The following BACH2 variants were observed in gnomAD, a reference collection of about 807,000 sequenced individuals.
BACH2 encodes the protein transcription regulator protein BACH2.
BACH2 carries 5 observed loss-of-function variants against 61.8 expected under a neutral mutation model. That is an observed-to-expected ratio of 0.08 (90% CI 0.04 to 0.17). The LOEUF (loss-of-function observed/expected upper bound fraction) is 0.17, where lower values mean the gene tolerates loss of function less well. Among genes scored for constraint, BACH2 ranks in the 10% least tolerant of loss-of-function variants. The pLI is 1.00. For synonymous variants in BACH2, 446 were observed against 440.1 expected (o/e 1.01, Z -0.17); for missense variants, 824 against 1,091.1 (o/e 0.76, Z 3.45).
intron 3 of BACH2, among the ~76,000 whole-genome samples, chr6:90,246,146 T>G (rs1359580970): frequency 6.6e-6 from 1 of 152,192 alleles, no homozygotes; most frequent in African/African-American, 2.4e-5. Flanking sequence ...AAGTCAAAAT[T>G]AACCTAAATG....
intron 5 of BACH2, among the ~76,000 whole-genome samples, chr6:90,079,907 G>C (rs1032919722): frequency 4.0e-5 from 6 of 151,460 alleles, no homozygotes; most frequent in South Asian, 4.2e-4. Context: ...GTTAGTGTTT[G>C]TACTTTCATT....
intron 7 of BACH2, among the ~76,000 whole-genome samples, chr6:89,940,685 T>A (rs895649739): frequency 2.0e-5 from 3 of 152,226 alleles, no homozygotes; most frequent in African/African-American, 7.2e-5. Context: ...CCCTGTCTAA[T>A]ACAAACAATA....
intron 6 of BACH2, among the ~76,000 whole-genome samples, chr6:89,994,349 G>A (rs1291224113): frequency 6.6e-6 from 1 of 152,200 alleles, no homozygotes; most frequent in East Asian, 1.9e-4. Context: ...TTCCAGAGAT[G>A]TAACTCCAGA....
At chr6:90,243,439 C>T (rs147554105) in intron 3 of BACH2, among the ~76,000 whole-genome samples, 4 of 152,212 alleles carry the variant, frequency 2.6e-5, no homozygotes, top group African/African-American at 9.6e-5. Flanking sequence ...CAGTGAAGAC[C>T]ACTTGGGACT....
chr6:90,187,996 T>C (rs766888323), intron 4 of BACH2, among the ~76,000 whole-genome samples: 1 of 152,054 alleles, frequency 6.6e-6, no homozygotes, highest in Non-Finnish European at 1.5e-5. Context: ...ATCACAAAGT[T>C]CAGAAGGTGC....
At chr6:90,102,825 AATAATAATAATAAT>A (rs1562445644) in intron 4 of BACH2, among the ~76,000 whole-genome samples, 9 of 139,182 alleles carry the variant, frequency 6.5e-5, no homozygotes, top group South Asian at 4.5e-4. Context: ...TAATAATAAT[AATAATAATAATAAT>A]AAAAATAAAA....
At chr6:89,935,599 C>T (rs1361937007) in intron 8 of BACH2, among the ~76,000 whole-genome samples, 1 of 152,168 alleles carries the variant, frequency 6.6e-6, no homozygotes, top group Non-Finnish European at 1.5e-5. Context: ...TGAAACACAA[C>T]GTGTTATTTA....
intron 4 of BACH2, among the ~76,000 whole-genome samples, chr6:90,103,029 A>ATATATATTTTTTTTTTTTTTTTTTT: frequency 4.7e-5 from 1 of 21,164 alleles, no homozygotes; most frequent in Non-Finnish European, 8.0e-5. Flanking sequence ...ATATATATAT[A>ATATATATTTTTTTTTTTTTTTTTTT]TTTTTTTTTT....
chr6:90,160,514 C>T (rs941688419), intron 4 of BACH2, among the ~76,000 whole-genome samples: 6 of 152,316 alleles, frequency 3.9e-5, no homozygotes, highest in Middle Eastern at 3.4e-3. Flanking sequence ...GTACTAGAAG[C>T]AGCACGTACA....
chr6:90,154,634 G>C (rs900577489), intron 4 of BACH2, among the ~76,000 whole-genome samples: 1 of 152,162 alleles, frequency 6.6e-6, no homozygotes, highest in African/African-American at 2.4e-5. Flanking sequence ...CCCCAGCCTT[G>C]CTCCCAAGGA....
At chr6:90,025,673 G>A (rs1409588282) in intron 5 of BACH2, among the ~76,000 whole-genome samples, 1 of 152,188 alleles carries the variant, frequency 6.6e-6, no homozygotes, top group Non-Finnish European at 1.5e-5. Context: ...ATTGTGAACA[G>A]TGATTAGGAG....
At chr6:90,201,895 T>C (rs1382413902) in intron 4 of BACH2, among the ~76,000 whole-genome samples, 3 of 152,194 alleles carry the variant, frequency 2.0e-5, no homozygotes, top group Admixed American at 6.5e-5. Flanking sequence ...AAACAAACCA[T>C]TGAGGGTGTC....
chr6:90,183,096 G>A (rs1312714111), intron 4 of BACH2, among the ~76,000 whole-genome samples: 1 of 152,150 alleles, frequency 6.6e-6, no homozygotes, highest in South Asian at 2.1e-4. Flanking sequence ...ATCATAGCTG[G>A]AATGTGACAG....
chr6:90,018,205 T>C (rs995192903), intron 5 of BACH2, among the ~76,000 whole-genome samples: 1 of 152,232 alleles, frequency 6.6e-6, no homozygotes, highest in Non-Finnish European at 1.5e-5. Flanking sequence ...CTTACCTGCA[T>C]CTGCTGATCA....
At position 89,951,956 on chromosome 6, in the gene BACH2, T is replaced by C. The variant is rs1774155708; in HGVS notation, c.244-94A>G. Reference sequence around the variant, plus strand: ...AAGCAAGATAACCAGACAGTGCTAATGTCCCAGAATAAAGACTGCAAAGGG... The same window carrying C: ...AAGCAAGATAACCAGACAGTGCTAACGTCCCAGAATAAAGACTGCAAAGGG... On this transcript the variant is annotated intron_variant, in intron 6 of 8. Transcript: ENST00000257749. The surrounding 1 kb of genome is among the most constrained non-coding windows in gnomAD (Gnocchi z 6.4). 4.9e-6 allele frequency: 7 copies of C among 1,426,660 alleles called. No homozygotes were observed. The East Asian group carries it at 1.6e-4, about 33-fold the overall frequency. 88.4% of individuals were successfully genotyped at this position (1,426,660 alleles called of 1,614,324 possible).
At chr6:90,183,461 T>C (rs933345546) in intron 4 of BACH2, among the ~76,000 whole-genome samples, 2 of 152,250 alleles carry the variant, frequency 1.3e-5, no homozygotes, top group African/African-American at 4.8e-5. Context: ...TATTCCCTTA[T>C]GATCTAGCAT....
chr6:90,031,988 G>C (rs1779007883), intron 5 of BACH2, among the ~76,000 whole-genome samples: 1 of 152,156 alleles, frequency 6.6e-6, no homozygotes, highest in Non-Finnish European at 1.5e-5. Flanking sequence ...AAACAGCATG[G>C]TACTGGTACC....
intron 4 of BACH2, among the ~76,000 whole-genome samples, chr6:90,172,860 A>C (rs2127837915): frequency 6.6e-6 from 1 of 152,260 alleles, no homozygotes; most frequent in East Asian, 1.9e-4. Flanking sequence ...GCTACTGTAT[A>C]CAAATTGTAA....
At chr6:90,248,291 A>G (rs1770701362) in intron 3 of BACH2, among the ~76,000 whole-genome samples, 1 of 152,196 alleles carries the variant, frequency 6.6e-6, no homozygotes, top group African/African-American at 2.4e-5. Context: ...TTGGATATTT[A>G]TATTTTTCAT....
Sources: allele counts gnomAD v4.1 joint callset (sites outside exome capture counted in the v4.1 genomes callset), GRCh38; gene constraint gnomAD v4.1.1; non-coding constraint Gnocchi (gnomAD v3.1); transcripts MANE v1.5; gene names NCBI Gene and HGNC (gene_info 2026-07-23, HGNC 2026-07-21).